The following GALNT13 variants were observed in gnomAD, a reference collection of about 807,000 sequenced individuals.
GALNT13 encodes the protein polypeptide N-acetylgalactosaminyltransferase 13.
GALNT13 carries 28 observed loss-of-function variants against 64.2 expected under a neutral mutation model. That is an observed-to-expected ratio of 0.44 (90% CI 0.32 to 0.60). The LOEUF is 0.60. Ranked by LOEUF, GALNT13 falls within the 20% of genes least tolerant of loss-of-function variation. The pLI is 0.05. For synonymous variants in GALNT13, 214 were observed against 224.6 expected, an observed-to-expected ratio of 0.95 and a Z score of 0.42; for missense variants, 577 against 669.8, an observed-to-expected ratio of 0.86 and a Z score of 1.53.
chr2:153,812,678 C>A, the GALNT13 span, among the ~76,000 whole-genome samples: 1 of 152,156 alleles, frequency 6.6e-6, no homozygotes. Flanking sequence ...AATTTATATT[C>A]CATTCCCTTT....
chr2:154,335,540 C>G (rs1043689101), intron 9 of GALNT13, among the ~76,000 whole-genome samples: 1 of 151,978 alleles, frequency 6.6e-6, no homozygotes, highest in Non-Finnish European at 1.5e-5. Context: ...TATTACACTG[C>G]CAAAACACCA....
chr2:154,003,226 G>T (rs1479861286), intron 3 of GALNT13, among the ~76,000 whole-genome samples: 1 of 152,096 alleles, frequency 6.6e-6, no homozygotes, highest in Non-Finnish European at 1.5e-5. Context: ...ATTGAGCCCT[G>T]TTGGCCCTCC....
the GALNT13 span, among the ~76,000 whole-genome samples, chr2:153,648,721 G>A: frequency 1.2e-3 from 175 of 151,898 alleles, 1 homozygote; most frequent in South Asian, 3.5e-3. Flanking sequence ...CTATTGAGAT[G>A]ATCATGTGGT....
intron 11 of GALNT13, among the ~76,000 whole-genome samples, chr2:154,416,541 A>T (rs926335003): frequency 5.3e-5 from 8 of 152,166 alleles, no homozygotes; most frequent in Non-Finnish European, 1.2e-4. Flanking sequence ...TCAGTCAATC[A>T]TTCATCCAAC....
chr2:153,299,668 T>C, the GALNT13 span, among the ~76,000 whole-genome samples: 1 of 152,206 alleles, frequency 6.6e-6, no homozygotes, highest in East Asian at 1.9e-4. Flanking sequence ...TCAAGGGAGC[T>C]TGTGGACACA....
intron 9 of GALNT13, among the ~76,000 whole-genome samples, chr2:154,330,782 C>G (rs1293700243): frequency 6.6e-6 from 1 of 152,086 alleles, no homozygotes; most frequent in African/African-American, 2.4e-5. Context: ...TATAGTGAAC[C>G]TGAAACTGCA....
chr2:154,203,382 A>G (rs1441473607), intron 4 of GALNT13, among the ~76,000 whole-genome samples: 2 of 152,194 alleles, frequency 1.3e-5, no homozygotes, highest in African/African-American at 4.8e-5. Context: ...TCAAGCTGTC[A>G]GAATTGGCAT....
At chr2:153,154,070 T>C in the GALNT13 span, among the ~76,000 whole-genome samples, 25 of 152,258 alleles carry the variant, frequency 1.6e-4, no homozygotes, top group East Asian at 4.3e-3. Context: ...CTCTGATTTC[T>C]TTAAGCAGTA....
At chr2:154,164,336 C>G (rs953341274) in intron 4 of GALNT13, among the ~76,000 whole-genome samples, 2 of 151,982 alleles carry the variant, frequency 1.3e-5, no homozygotes, top group Admixed American at 1.3e-4. Flanking sequence ...GTGAAATATC[C>G]ATAGATCATC....
chr2:153,224,250 A>C, the GALNT13 span, among the ~76,000 whole-genome samples: 1 of 152,002 alleles, frequency 6.6e-6, no homozygotes, highest in Non-Finnish European at 1.5e-5. Flanking sequence ...ACTTTTAAGT[A>C]GGAGCTAAAC....
intron 8 of GALNT13, among the ~76,000 whole-genome samples, chr2:154,292,725 G>A (rs1374163277): frequency 2.6e-5 from 4 of 152,158 alleles, no homozygotes; most frequent in Non-Finnish European, 5.9e-5. Context: ...CTTCGTGCCA[G>A]AGGTAGTATG....
chr2:154,203,784 T>C (rs527889769), intron 4 of GALNT13, among the ~76,000 whole-genome samples: 2 of 152,324 alleles, frequency 1.3e-5, no homozygotes, highest in Non-Finnish European at 2.9e-5. Context: ...TAGCCTGAAT[T>C]AATTCACTTC....
At chr2:154,371,610 G>A (rs1697689974) in intron 9 of GALNT13, among the ~76,000 whole-genome samples, 1 of 152,048 alleles carries the variant, frequency 6.6e-6, no homozygotes, top group South Asian at 2.1e-4. Context: ...GGAGGGCAGA[G>A]GGGACAGAAA....
intron 8 of GALNT13, among the ~76,000 whole-genome samples, chr2:154,296,845 C>T (rs1039491121): frequency 5.3e-5 from 8 of 151,942 alleles, no homozygotes; most frequent in African/African-American, 1.7e-4. Flanking sequence ...TAGGTATACA[C>T]CTGCCATGGT....
chr2:153,118,861 A>G, the GALNT13 span, among the ~76,000 whole-genome samples: 1 of 152,144 alleles, frequency 6.6e-6, no homozygotes, highest in Non-Finnish European at 1.5e-5. Context: ...TGAGGTTGGT[A>G]TGGTTTGACT....
intron 3 of GALNT13, among the ~76,000 whole-genome samples, chr2:154,008,831 T>C (rs776502443): frequency 2.0e-5 from 3 of 152,196 alleles, no homozygotes; most frequent in South Asian, 2.1e-4. Flanking sequence ...ATTTTATTTA[T>C]CCAGTCTACC....
intron 3 of GALNT13, among the ~76,000 whole-genome samples, chr2:154,084,758 T>A (rs1361020956): frequency 1.3e-5 from 2 of 152,000 alleles, no homozygotes; most frequent in African/African-American, 4.8e-5. Flanking sequence ...TTCTGAAAGT[T>A]ATTTTTTAAT....
chr2:154,327,752 A>G (rs1025206944), intron 9 of GALNT13, among the ~76,000 whole-genome samples: 2 of 152,124 alleles, frequency 1.3e-5, no homozygotes, highest in Non-Finnish European at 1.5e-5. Flanking sequence ...CTTACAGAAG[A>G]CAATTTAAGG....
At chr2:153,903,336 G>GA (rs1688353704) in intron 2 of GALNT13, among the ~76,000 whole-genome samples, 2 of 151,988 alleles carry the variant, frequency 1.3e-5, no homozygotes, top group African/African-American at 4.8e-5. Context: ...TTTGACGAGG[G>GA]AAAAACGTAA....
Sources: allele counts gnomAD v4.1 joint callset (sites outside exome capture counted in the v4.1 genomes callset), GRCh38; gene constraint gnomAD v4.1.1; transcripts MANE v1.5; gene names NCBI Gene and HGNC (gene_info 2026-07-23, HGNC 2026-07-21).